TNIP2: variants seen among roughly 807,000 people sequenced by gnomAD.
TNIP2 encodes the protein TNFAIP3 interacting protein 2.
A neutral mutation model predicts 43.7 loss-of-function variants in TNIP2; 30 were observed. The observed-to-expected ratio is 0.69, with a 90% confidence interval of 0.51 to 0.93. The LOEUF (loss-of-function observed/expected upper bound fraction) is 0.93, where lower values mean the gene tolerates loss of function less well. Among genes scored for constraint, TNIP2 ranks in the 40% least tolerant of loss-of-function variants. The probability of loss-of-function intolerance (pLI) is 0.00; values close to 1 mark genes in which losing one functional copy is unlikely to be tolerated. For synonymous variants in TNIP2, 260 were observed against 254.6 expected, an observed-to-expected ratio of 1.02 and a Z score of -0.20; for missense variants, 599 against 591.0, an observed-to-expected ratio of 1.01 and a Z score of -0.14.
chr4:2,751,937 C>T, intron 1 of TNIP2, among the ~76,000 whole-genome samples: 1 of 150,240 alleles, frequency 6.7e-6, no homozygotes, highest in East Asian at 2.0e-4. Context: ...AACCCCGCCT[C>T]TACTAAAGAT....
At chr4:2,752,902 G>A (rs1722138062) in intron 1 of TNIP2, among the ~76,000 whole-genome samples, 1 of 152,010 alleles carries the variant, frequency 6.6e-6, no homozygotes, top group Non-Finnish European at 1.5e-5. Context: ...AAGTTAGCCA[G>A]GTGTGGTGGC....
Position 2,756,132 on chromosome 4 carries a change from G to A in TNIP2, c.158C>T (p.Ala53Val). 1 of 1,473,852 alleles carries A rather than the reference G, an allele frequency of 6.8e-7. No individual in the cohort carries two copies. The highest frequency in any genetic ancestry group is 3.0e-5 in the East Asian group (1 of 33,892). The allele number at this position is 1,473,852 out of a possible 1,614,324, so 91.3% of individuals were successfully genotyped here. A position where few individuals can be genotyped will look rare whatever the true frequency, so the allele number is the denominator to read the frequency against. Residue 53 changes from alanine (A) to valine (V), a missense_variant, in exon 1 of 6, where the codon GCC (alanine) becomes GTC (valine). Coordinates refer to ENST00000315423, the MANE Select transcript of TNIP2 (RefSeq NM_024309.4). ...CGGCGCGGCGTCCCCCTCCAGCGCGGCCAGGCGGGCGCGGAGGCGAGCGAT... is the reference window on the plus strand; with the variant it reads ...CGGCGCGGCGTCCCCCTCCAGCGCGACCAGGCGGGCGCGGAGGCGAGCGAT... ...ALIARLRARL[A>V]ALEGDAAPSL... is the part of the protein sequence containing the mutation.
At chr4:2,751,115 C>T (rs1053021416) in intron 1 of TNIP2, among the ~76,000 whole-genome samples, 4 of 152,240 alleles carry the variant, frequency 2.6e-5, no homozygotes, top group Admixed American at 1.3e-4. Flanking sequence ...CTCCAGCCCC[C>T]GGGCTTCTGG....
rs946791626 is a variant in TNIP2 at position 2,756,142 on chromosome 4, C to T, written c.148G>A (p.Ala50Thr). ...TCCCCCTCCAGCGCGGCCAGGCGGG[C>T]GCGGAGGCGAGCGATGAGGGCGTCG... ...ARDALIARLR[A>T]RLAALEGDAA... The change falls in exon 1 of 6, where the codon GCC (alanine) becomes ACC (threonine). Residue 50 changes from alanine to threonine, a missense_variant. Transcript: ENST00000315423. The T allele has an allele frequency of 2.7e-6, 4 of 1,475,166 alleles. No individual in the cohort carries two copies. The highest frequency in any genetic ancestry group is 3.6e-6 in the Non-Finnish European group (4 of 1,121,410). The allele number at this position is 1,475,166 out of a possible 1,614,324, so 91.4% of individuals were successfully genotyped here.
chr4:2,755,098 G>A (rs555300347), intron 1 of TNIP2, among the ~76,000 whole-genome samples: 1 of 152,142 alleles, frequency 6.6e-6, no homozygotes, highest in South Asian at 2.1e-4. Context: ...CGCCACTAGT[G>A]AAAGACACAT....
At chr4:2,750,257 C>T (rs1722065873) in intron 1 of TNIP2, among the ~76,000 whole-genome samples, 1 of 152,086 alleles carries the variant, frequency 6.6e-6, no homozygotes, top group Non-Finnish European at 1.5e-5. Flanking sequence ...CGGAGGAGCC[C>T]AAGCTTCCCC....
chr4:2,756,052 T>C lies in TNIP2; in HGVS notation c.238A>G (p.Arg80Gly), dbSNP rs1722234183. 1.3e-6 allele frequency: 2 copies of C among 1,546,722 alleles called. No homozygotes were observed. The highest frequency in any genetic ancestry group is 1.7e-6 in the Non-Finnish European group (2 of 1,158,334). ...GCCTCGGCGGCGCCGCCCTCCTGCC[T>C]TCGCAGCTGCTCCCGGAAGCGCGCA... is the stretch of plus-strand genomic sequence containing the variant. ...QVARFREQLRRQEGGAAEAQM... is the reference protein window; with the variant it reads ...QVARFREQLRGQEGGAAEAQM... The change falls in exon 1 of 6, where the codon AGG becomes GGG. Residue 80 changes from arginine (R) to glycine (G), a missense_variant. Arg to Gly is a moderately radical substitution (Grantham distance 125). Transcript: ENST00000315423.
At chr4:2,749,525 C>T (rs1035225101) in intron 1 of TNIP2, among the ~76,000 whole-genome samples, 3 of 152,260 alleles carry the variant, frequency 2.0e-5, no homozygotes, top group South Asian at 4.2e-4. Context: ...GAGAAGACGA[C>T]CACGTGACAA....
intron 5 of TNIP2, among the ~76,000 whole-genome samples, chr4:2,742,913 T>G (rs902637690): frequency 3.7e-4 from 56 of 152,192 alleles, no homozygotes; most frequent in African/African-American, 1.3e-3. Flanking sequence ...AACCCTACTC[T>G]GCACCTCCTC....
chr4:2,745,395 A>T, intron 3 of TNIP2, 51 bp downstream of exon 3: 1 of 1,381,268 alleles, frequency 7.2e-7, no homozygotes, highest in Non-Finnish European at 1.0e-6. Flanking sequence ...ACCCTCACTT[A>T]CAGTTTGTAA....
chr4:2,742,768 T>C (rs1327798048), intron 5 of TNIP2, among the ~76,000 whole-genome samples: 1 of 152,160 alleles, frequency 6.6e-6, no homozygotes, highest in Non-Finnish European at 1.5e-5. Flanking sequence ...AGCCCCTTGG[T>C]GGAAGTCCTG....
chr4:2,747,999 G>A, intron 1 of TNIP2, 54 bp from the exon 2 acceptor site: 1 of 1,573,454 alleles, frequency 6.4e-7, no homozygotes, highest in Non-Finnish European at 8.6e-7. Flanking sequence ...GCAGTGTCAA[G>A]AGCAAATGTT....
At chr4:2,750,046 G>A (rs139311794) in intron 1 of TNIP2, among the ~76,000 whole-genome samples, 1,642 of 152,240 alleles carry the variant, frequency 0.011, 32 homozygotes, top group African/African-American at 0.037. Flanking sequence ...TGAGTGATCC[G>A]CCTGCCTCAG....
chr4:2,756,035 G>A lies in TNIP2; in HGVS notation c.255C>T (p.Ala85=), dbSNP rs753505272. The A allele has an allele frequency of 3.2e-6, 5 of 1,548,890 alleles. No homozygotes were observed. The highest frequency in any genetic ancestry group is 1.9e-5 in the Admixed American group (1 of 54,012). ...REQLRRQEGG[A]AEAQMRQEIE... ...GTACCTGGCGCATCTGGGCCTCGGCGGCGCCGCCCTCCTGCCTTCGCAGCT... is the reference window on the plus strand; with the variant it reads ...GTACCTGGCGCATCTGGGCCTCGGCAGCGCCGCCCTCCTGCCTTCGCAGCT... Residue 85 remains alanine, a synonymous_variant, in exon 1 of 6, where the codon GCC becomes GCT. Transcript: ENST00000315423.
chr4:2,746,558 A>G (rs941055098), intron 2 of TNIP2, among the ~76,000 whole-genome samples: 2 of 152,146 alleles, frequency 1.3e-5, no homozygotes, highest in African/African-American at 4.8e-5. Flanking sequence ...CCTGGAATCC[A>G]CCCAGCTGAG....
intron 1 of TNIP2, 95 bp downstream of exon 1, chr4:2,755,919 T>A (rs1577314685): frequency 2.7e-5 from 34 of 1,273,264 alleles, no homozygotes; most frequent in Non-Finnish European, 3.2e-5. Flanking sequence ...CCTCAACCCC[T>A]CAGGACCCGG....
intron 1 of TNIP2, among the ~76,000 whole-genome samples, chr4:2,749,037 C>T (rs150843587): frequency 0.02 from 3,019 of 152,112 alleles, 61 homozygotes; most frequent in African/African-American, 0.05. Context: ...GAGATCCACC[C>T]GCCTTGGCTT....
At chr4:2,745,587 G>A in intron 2 of TNIP2, 52 bp from the exon 3 acceptor site, 4 of 1,348,964 alleles carry the variant, frequency 3.0e-6, no homozygotes, top group Non-Finnish European at 4.2e-6. Flanking sequence ...CAGCAAGAGG[G>A]GAGAAAGCTA....
Position 2,744,266 on chromosome 4 carries a change from C to G in TNIP2, c.1026+121G>C. 2.3e-6 allele frequency: 3 copies of G among 1,328,758 alleles called. No homozygotes were observed. The allele number at this position is 1,328,758 out of a possible 1,614,324, so 82.3% of individuals were successfully genotyped here. ...GCTCTCCCCACAGCAGGGAGGGGCTCGCCACAACCCTCATCACCAGCAAAT... is the reference window on the plus strand; with the variant it reads ...GCTCTCCCCACAGCAGGGAGGGGCTGGCCACAACCCTCATCACCAGCAAAT... On this transcript the variant is annotated intron_variant, in intron 5 of 5. Transcript: ENST00000315423. This position sits in a 1 kb window ranked among gnomAD's most constrained non-coding sequence, Gnocchi z 5.1.
Sources: gnomAD v4.1 joint callset for allele counts (sites outside exome capture counted in the v4.1 genomes callset) on GRCh38, gnomAD v4.1.1 for gene constraint, Gnocchi (gnomAD v3.1) non-coding constraint, MANE v1.5 for transcripts, NCBI Gene and HGNC (gene_info 2026-07-23, HGNC 2026-07-21) for gene names.